KLHL7: variants seen among roughly 807,000 people sequenced by gnomAD.
KLHL7 encodes the protein kelch-like protein 7.
KLHL7 carries 44 observed loss-of-function variants against 67.4 expected under a neutral mutation model. The observed-to-expected ratio is 0.65, with a 90% CI of 0.51 to 0.84. KLHL7 has a LOEUF of 0.84. Ranked by LOEUF, KLHL7 falls within the 40% of genes least tolerant of loss-of-function variation. The pLI is 0.00. For synonymous variants in KLHL7, 252 were observed against 243.3 expected (o/e 1.04, Z -0.33); for missense variants, 362 against 718.1 (o/e 0.50, Z 5.67).
intron 7 of KLHL7, chr7:23,155,975 T>C (rs1298343768): frequency 2.2e-6 from 1 of 462,256 alleles, no homozygotes; most frequent in Non-Finnish European, 4.5e-6. Context: ...TTCCTTGATT[T>C]TTTTTTATTG....
chr7:23,145,001 G>T (rs547511076), intron 6 of KLHL7, among the ~76,000 whole-genome samples: 9 of 152,152 alleles, frequency 5.9e-5, no homozygotes, highest in African/African-American at 1.9e-4. Context: ...CAGTGGCTGA[G>T]GCAGGAGGAT....
chr7:23,150,516 C>G (rs879609427), intron 6 of KLHL7, among the ~76,000 whole-genome samples: 5 of 151,984 alleles, frequency 3.3e-5, no homozygotes, highest in South Asian at 4.2e-4. Flanking sequence ...TCATTCCATG[C>G]GTACATACTA....
intron 10 of KLHL7, among the ~76,000 whole-genome samples, chr7:23,173,253 G>A (rs961739122): frequency 6.6e-5 from 10 of 152,168 alleles, no homozygotes; most frequent in Non-Finnish European, 1.3e-4. Flanking sequence ...GTAGTCACCA[G>A]TCATTGTGAC....
intron 4 of KLHL7, among the ~76,000 whole-genome samples, chr7:23,137,620 A>G (rs976723204): frequency 1.3e-5 from 2 of 151,252 alleles, no homozygotes; most frequent in African/African-American, 4.9e-5. Flanking sequence ...CTGGGATTAC[A>G]GGCACCCACC....
At chr7:23,141,545 T>C (rs1784181325) in intron 5 of KLHL7, among the ~76,000 whole-genome samples, 1 of 152,262 alleles carries the variant, frequency 6.6e-6, no homozygotes, top group African/African-American at 2.4e-5. Context: ...AACTGTCAGA[T>C]AAACTGTCAG....
At chr7:23,117,095 T>TC (rs1783120934) in intron 1 of KLHL7, among the ~76,000 whole-genome samples, 1 of 140,548 alleles carries the variant, frequency 7.1e-6, no homozygotes, top group East Asian at 2.0e-4. Context: ...TTTTTTTTTT[T>TC]TTTTTTTTTT....
rs531449074 is a variant in KLHL7 at position 23,175,060 on chromosome 7, G to A, written c.*762G>A. ...GTTAAATAAAACCCAATCATAGTAA[G>A]TGATTAACTAGCAAAAAGTAAAGCT... On this transcript the variant is annotated 3_prime_UTR_variant, in exon 11 of 11. Transcript: ENST00000339077. The A allele has an allele frequency of 7.9e-5, 36 of 453,868 alleles. No individual in the cohort carries two copies. The highest frequency in any genetic ancestry group is 6.8e-4 in the African/African-American group (34 of 50,104). The allele number at this position is 453,868 out of a possible 1,614,324, so 28.1% of individuals were successfully genotyped here.
At chr7:23,144,661 C>T (rs1332101821) in intron 6 of KLHL7, among the ~76,000 whole-genome samples, 4 of 152,142 alleles carry the variant, frequency 2.6e-5, no homozygotes, top group Non-Finnish European at 2.9e-5. Context: ...CCTGTTAGAT[C>T]GGTTGTCTTC....
In KLHL7 at chr7:23,168,009, T is replaced by A. The variant is rs146710841; in HGVS notation, c.1351T>A (p.Cys451Ser). 1 of 1,614,216 alleles carries A rather than the reference T, an allele frequency of 6.2e-7. No homozygotes were observed. Among genetic ancestry groups the A allele is most frequent in the Non-Finnish European group, 8.5e-7 (1 of 1,180,008 alleles). ...NNVSGRVLNSCEVYDPATETW... is the reference protein window; with the variant it reads ...NNVSGRVLNSSEVYDPATETW... The stretch of plus-strand genomic sequence containing the variant: ...TGTTTCTGGGAGAGTGCTTAATTCC[T>A]GTGAAGTTTATGATCCTGCCACAGA... The change falls in exon 9 of 11, where the codon TGT becomes AGT. Residue 451 changes from cysteine to serine, a missense_variant. Coordinates refer to ENST00000339077, the MANE Select transcript of KLHL7 (RefSeq NM_001031710.3).
intron 1 of KLHL7, among the ~76,000 whole-genome samples, chr7:23,121,143 C>T (rs1394304031): frequency 6.6e-6 from 1 of 152,168 alleles, no homozygotes; most frequent in Admixed American, 6.5e-5. Flanking sequence ...CAGTTCCATC[C>T]ACATTGCCGT....
At chr7:23,120,384 AT>A (rs1783284277) in intron 1 of KLHL7, among the ~76,000 whole-genome samples, 1 of 152,128 alleles carries the variant, frequency 6.6e-6, no homozygotes, top group Non-Finnish European at 1.5e-5. Flanking sequence ...TCTGCTGTTG[AT>A]TTCTTAAAAA....
rs1783517137 is a variant in KLHL7 at position 23,125,055 on chromosome 7, G to A, written c.325G>A (p.Val109Met). ...CCTCTAACTTATTTGCAGAATTTCCGTGAATAGCAACAATGTTCAGTCTTT... is the reference window on the plus strand; with the variant it reads ...CCTCTAACTTATTTGCAGAATTTCCATGAATAGCAACAATGTTCAGTCTTT... ...VEFAYTARISVNSNNVQSLLD... is the reference protein window; with the variant it reads ...VEFAYTARISMNSNNVQSLLD... Residue 109 changes from valine (V) to methionine (M), a missense_variant, in exon 4 of 11, where the codon GTG (valine) becomes ATG (methionine). Coordinates refer to ENST00000339077, the MANE Select transcript of KLHL7 (RefSeq NM_001031710.3). The A allele has an allele frequency of 6.2e-7, 1 of 1,611,998 alleles. No individual in the cohort carries two copies. The highest frequency in any genetic ancestry group is 8.5e-7 in the Non-Finnish European group (1 of 1,178,290).
intron 8 of KLHL7, among the ~76,000 whole-genome samples, chr7:23,166,146 G>A (rs1252154428): frequency 2.0e-5 from 3 of 152,110 alleles, no homozygotes; most frequent in African/African-American, 7.2e-5. Flanking sequence ...TAGCTTCCTA[G>A]ATTAATGGCC....
At chr7:23,122,669 C>G (rs754660893) in intron 1 of KLHL7, among the ~76,000 whole-genome samples, 13 of 152,130 alleles carry the variant, frequency 8.5e-5, no homozygotes, top group Non-Finnish European at 1.6e-4. Context: ...TCCTAGCCTG[C>G]TATTTGAGGC....
At chr7:23,120,293 G>A (rs933532328) in intron 1 of KLHL7, among the ~76,000 whole-genome samples, 1 of 152,188 alleles carries the variant, frequency 6.6e-6, no homozygotes, top group African/African-American at 2.4e-5. Context: ...TTACAGGCAT[G>A]AGTCACCACA....
chr7:23,136,954 T>C (rs1783999716), intron 4 of KLHL7, among the ~76,000 whole-genome samples: 1 of 152,198 alleles, frequency 6.6e-6, no homozygotes, highest in Admixed American at 6.5e-5. Flanking sequence ...AAAAATAATT[T>C]GTAAACACCT....
At chr7:23,125,781 C>T (rs939206213) in intron 4 of KLHL7, 8 of 1,511,976 alleles carry the variant, frequency 5.3e-6, no homozygotes, top group Non-Finnish European at 7.1e-6. Flanking sequence ...AAAAGTTGAT[C>T]AGAGCCTTCC....
chr7:23,121,257 C>T lies in KLHL7; in HGVS notation c.121-2520C>T, dbSNP rs75937769. Among the ~76,000 whole-genome samples the T allele has an allele frequency of 0.01, 1,561 of 152,174 alleles. 70 individuals are homozygous for T. In the East Asian group the frequency reaches 0.15, roughly 15 times the overall value. ...GTCTATCACTGGACACCTAGGTTGA[C>T]TCTATATCTTGGCTGTTGTGCATAG... On this transcript the variant is annotated intron_variant, in intron 1 of 10. Coordinates refer to ENST00000339077, the MANE Select transcript of KLHL7 (RefSeq NM_001031710.3).
chr7:23,136,643 C>T (rs73687822), intron 4 of KLHL7, among the ~76,000 whole-genome samples: 2,584 of 152,242 alleles, frequency 0.017, 88 homozygotes, highest in African/African-American at 0.059. Flanking sequence ...GAGACACAGG[C>T]CACGTCCCCT....
Sources: allele counts gnomAD v4.1 joint callset (sites outside exome capture counted in the v4.1 genomes callset), GRCh38; gene constraint gnomAD v4.1.1; transcripts MANE v1.5; gene names NCBI Gene and HGNC (gene_info 2026-07-23, HGNC 2026-07-21).